Variants in DOK7 observed in about 807,000 individuals in gnomAD.
DOK7 encodes protein Dok-7.
A neutral mutation model predicts 30.7 loss-of-function variants in DOK7; 32 were observed. That is an observed-to-expected ratio of 1.04 (90% CI 0.79 to 1.40). The LOEUF is 1.40. Among genes scored for constraint, DOK7 ranks in the 40% most tolerant of loss-of-function variants. The probability of loss-of-function intolerance (pLI) is 0.00; values close to 1 mark genes in which losing one functional copy is unlikely to be tolerated. For synonymous variants in DOK7, 447 were observed against 324.1 expected, an observed-to-expected ratio of 1.38 and a Z score of -4.07; for missense variants, 1,007 against 699.2, an observed-to-expected ratio of 1.44 and a Z score of -4.97.
rs1315580280 is a variant in DOK7, at chr4:3,476,457, G to C, written c.447G>C (p.Thr149=). 1 of 1,613,762 alleles carries C rather than the reference G, an allele frequency of 6.2e-7. No individual in the cohort carries two copies. Among genetic ancestry groups the C allele is most frequent in the Non-Finnish European group, 8.5e-7 (1 of 1,180,034 alleles). Residue 149 remains threonine, a synonymous_variant, in exon 4 of 7, where the codon ACG becomes ACC. Coordinates refer to ENST00000340083, the MANE Select transcript of DOK7 (RefSeq NM_173660.5). ...CCAGGGACATCCCCCCGGCTGTCACGGGGCAGTGGAAGCTGTCTGACCTCC... is the reference window on the plus strand; with the variant it reads ...CCAGGGACATCCCCCCGGCTGTCACCGGGCAGTGGAAGCTGTCTGACCTCC... ...VLARDIPPAV[T]GQWKLSDLRR... is the part of the protein sequence containing the mutation.
chr4:3,494,245 C>A lies in DOK7; in HGVS notation c.*744C>A, dbSNP rs1728761666. 1 of 985,438 alleles carries A rather than the reference C, an allele frequency of 1.0e-6. No individual in the cohort carries two copies. The highest frequency in any genetic ancestry group is 4.7e-5 in the South Asian group (1 of 21,296). 61.0% of individuals were successfully genotyped at this position (985,438 alleles called of 1,614,324 possible). On this transcript the variant is annotated 3_prime_UTR_variant, in exon 7 of 7. Transcript: ENST00000340083. ...CTCCTGTCTGAACCTCCTCGCAGGG[C>A]CAAAGGCTGGCTTGGCCTGTGTTTC...
chr4:3,489,183 A>T (rs1012819244), intron 5 of DOK7, among the ~76,000 whole-genome samples: 3 of 152,072 alleles, frequency 2.0e-5, no homozygotes, highest in African/African-American at 7.2e-5. Flanking sequence ...TGGGCACAGT[A>T]TGAGTCTCCA....
chr4:3,489,913 C>T, intron 6 of DOK7, 117 bp downstream of exon 6: 2 of 1,428,970 alleles, frequency 1.4e-6, no homozygotes, highest in South Asian at 1.4e-5. Flanking sequence ...TTCATTCATT[C>T]CTTCTGTCTC....
rs895263276 is a variant in DOK7, at chr4:3,485,312, G to A, written c.533-227G>A. 2.2e-5 allele frequency: 12 copies of A among 547,704 alleles called. No homozygotes were observed. The Admixed American group carries it at 4.6e-4, about 21-fold the overall frequency. 33.9% of individuals were successfully genotyped at this position (547,704 alleles called of 1,614,324 possible). On this transcript the variant is annotated intron_variant, in intron 4 of 6. Coordinates refer to ENST00000340083, the MANE Select transcript of DOK7 (RefSeq NM_173660.5). Reference sequence around the variant, plus strand: ...CGGCGGGGTCCCTGGGGAGTCCAGAGGCTCTGGGGACCCAGCTTCACAGAG... The same window carrying A: ...CGGCGGGGTCCCTGGGGAGTCCAGAAGCTCTGGGGACCCAGCTTCACAGAG...
intron 2 of DOK7, among the ~76,000 whole-genome samples, chr4:3,468,692 GTA>G (rs1430423913): frequency 9.8e-5 from 14 of 142,588 alleles, no homozygotes; most frequent in Non-Finnish European, 1.4e-4. Context: ...GTGTGTGCAT[GTA>G]TGTCTGTGTA....
At chr4:3,468,594 G>A (rs887707507) in intron 2 of DOK7, among the ~76,000 whole-genome samples, 5 of 151,512 alleles carry the variant, frequency 3.3e-5, no homozygotes, top group African/African-American at 4.9e-5. Context: ...CTGAGTGTGC[G>A]TGTATTGGTG....
Position 3,494,031 on chromosome 4 carries a change from C to G in DOK7, c.*530C>G, listed in dbSNP as rs1728740381. On this transcript the variant is annotated 3_prime_UTR_variant, in exon 7 of 7. Transcript: ENST00000340083. The stretch of plus-strand genomic sequence containing the variant: ...CGTGTGCGCTGGGCCTCATCCCCAT[C>G]TATGGGAGGAAACTGAAGCTCAGGA... 2.0e-6 allele frequency: 2 copies of G among 988,704 alleles called. No homozygotes were observed. The highest frequency in any genetic ancestry group is 1.2e-4 in the Admixed American group (2 of 16,604). The allele number at this position is 988,704 out of a possible 1,614,324, so 61.2% of individuals were successfully genotyped here.
At chr4:3,499,930 G>A (rs1300395235) in intron 6 of DOK7, among the ~76,000 whole-genome samples, 1 of 151,980 alleles carries the variant, frequency 6.6e-6, no homozygotes, top group African/African-American at 2.4e-5. Context: ...GAGGGGCGCA[G>A]GGACAGAAGA....
intron 2 of DOK7, among the ~76,000 whole-genome samples, chr4:3,472,759 C>T (rs1200057677): frequency 6.6e-6 from 1 of 152,152 alleles, no homozygotes; most frequent in Non-Finnish European, 1.5e-5. Flanking sequence ...CTGGAGGGTC[C>T]GGGAGGCAGA....
intron 6 of DOK7, 106 bp downstream of exon 6, chr4:3,489,902 A>G: frequency 6.8e-7 from 1 of 1,465,024 alleles, no homozygotes; most frequent in East Asian, 2.5e-5. Flanking sequence ...CCCTCTGCTC[A>G]TTCATTCATT....
chr4:3,492,641 T>A, intron 6 of DOK7, 118 bp from the exon 7 acceptor site: 1 of 1,430,838 alleles, frequency 7.0e-7, no homozygotes, highest in East Asian at 2.4e-5. Context: ...GCTTGGGGGC[T>A]GGAAGGGGTG....
At position 3,492,856 on chromosome 4, in the gene DOK7, G is replaced by C. The variant is rs149019681; in HGVS notation, c.870G>C (p.Ser290=). Residue 290 remains serine (S), a synonymous_variant, in exon 7 of 7, where the codon TCG becomes TCC. Coordinates refer to ENST00000340083, the MANE Select transcript of DOK7 (RefSeq NM_173660.5). ...RLTAWPEQSS[S]SASTSQEGPR... The stretch of plus-strand genomic sequence containing the variant: ...CCGCATGGCCAGAGCAATCCTCGTC[G>C]TCAGCCAGCACGTCACAGGAGGGGC... The C allele has an allele frequency of 6.8e-6, 11 of 1,610,262 alleles. No homozygotes were observed. The East Asian group carries it at 1.8e-4, about 26-fold the overall frequency.
At chr4:3,490,127 C>CCT (rs1728144191) in intron 6 of DOK7, among the ~76,000 whole-genome samples, 2 of 115,636 alleles carry the variant, frequency 1.7e-5, no homozygotes, top group Non-Finnish European at 3.5e-5. Context: ...TTCCTTTTCT[C>CCT]CCTGCTCATT....
At chr4:3,472,928 G>A (rs1016122113) in intron 2 of DOK7, among the ~76,000 whole-genome samples, 6 of 152,216 alleles carry the variant, frequency 3.9e-5, no homozygotes, top group Admixed American at 6.5e-5. Flanking sequence ...CAGGAGGGGC[G>A]GTGGGTCTCG....
At chr4:3,491,424 T>C (rs1345084902) in intron 6 of DOK7, among the ~76,000 whole-genome samples, 25 of 75,072 alleles carry the variant, frequency 3.3e-4, no homozygotes, top group Admixed American at 1.1e-3. Context: ...CTTTCCTTCT[T>C]CCCCTGCTCA....
rs757053604 is a variant in DOK7, at chr4:3,463,448, C to T, written c.54+19C>T. ...CAAGAAGGTCGGGGCGCGTCGGGGG[C>T]GCGGGGGGGGGGGGCGCGGGCGCGG... On this transcript the variant is annotated intron_variant, in intron 1 of 6. Transcript: ENST00000340083. 4.7e-4 allele frequency: 178 copies of T among 381,626 alleles called. 1 individual carries two copies. In the African/African-American group the frequency reaches 0.014, roughly 30 times the overall value. 23.6% of individuals were successfully genotyped at this position (381,626 alleles called of 1,614,324 possible).
chr4:3,490,272 T>TCCCCA (rs1170139401), intron 6 of DOK7, among the ~76,000 whole-genome samples: 2 of 103,350 alleles, frequency 1.9e-5, no homozygotes, highest in African/African-American at 7.4e-5. Context: ...ATTCCTTCCT[T>TCCCCA]CCCCACCTTG....
At chr4:3,498,124 G>T (rs1729012525), downstream of DOK7, among the ~76,000 whole-genome samples, 1 of 152,308 alleles carries the variant, frequency 6.6e-6, no homozygotes, top group South Asian at 2.1e-4. Context: ...TGCCAGCCCA[G>T]GGCGGGGTCT....
At chr4:3,471,356 G>T (rs533672208) in intron 2 of DOK7, among the ~76,000 whole-genome samples, 1 of 152,380 alleles carries the variant, frequency 6.6e-6, no homozygotes, top group East Asian at 1.9e-4. Flanking sequence ...GGAGGTCAGA[G>T]CAGGGATTCC....
Sources: gnomAD v4.1 joint callset for allele counts (sites outside exome capture counted in the v4.1 genomes callset) on GRCh38, gnomAD v4.1.1 for gene constraint, MANE v1.5 for transcripts, NCBI Gene and HGNC (gene_info 2026-07-23, HGNC 2026-07-21) for gene names.